Variants in MCPH1 observed in about 807,000 individuals in gnomAD.
MCPH1 encodes the protein microcephalin.
A neutral mutation model predicts 84.5 loss-of-function variants in MCPH1; 104 were observed. That is an observed-to-expected ratio of 1.23 (90% CI 1.05 to 1.45). MCPH1 has a LOEUF of 1.45. Ranked by LOEUF, MCPH1 falls within the 40% of genes most tolerant of loss-of-function variation. The probability of loss-of-function intolerance (pLI) is 0.00; values close to 1 mark genes in which losing one functional copy is unlikely to be tolerated. For missense variants in MCPH1, 1,498 were observed against 1,005.7 expected (o/e 1.49, Z -6.62); for synonymous variants, 514 against 366.8 (o/e 1.40, Z -4.58).
At chr8:6,447,844 C>T (rs1321399881) in intron 8 of MCPH1, among the ~76,000 whole-genome samples, 3 of 152,134 alleles carry the variant, frequency 2.0e-5, no homozygotes, top group African/African-American at 4.8e-5. Flanking sequence ...CTACCGCGCC[C>T]GGCCAACAAT....
intron 12 of MCPH1, 89 bp downstream of exon 12, chr8:6,500,018 C>A (rs1035427928): frequency 9.1e-7 from 1 of 1,102,842 alleles, no homozygotes; most frequent in Non-Finnish European, 1.4e-6. Flanking sequence ...AAGTTTTTAT[C>A]CAGTCAAGCA....
In MCPH1 at chr8:6,527,731, C is replaced by T. The variant is rs1483680812; in HGVS notation, c.2214+27802C>T. ...ATTATTTTTTAATTAGTTTAACTTT[C>T]TAACTTCCTTTTCATTAAAGTACCC... is the stretch of plus-strand genomic sequence containing the variant. On this transcript the variant is annotated intron_variant, in intron 12 of 13. Coordinates refer to ENST00000344683, the MANE Select transcript of MCPH1 (RefSeq NM_024596.5). 4.0e-6 allele frequency: 6 copies of T among 1,483,286 alleles called. No homozygotes were observed. The South Asian group carries it at 6.4e-5, about 16-fold the overall frequency. 91.9% of individuals were successfully genotyped at this position (1,483,286 alleles called of 1,614,324 possible). A position where few individuals can be genotyped will look rare whatever the true frequency, so the allele number is the denominator to read the frequency against.
chr8:6,642,986 C>T lies in MCPH1; in HGVS notation c.2453-8C>T, dbSNP rs759961421. ...TGAATGCTAAACTGCTTTTCGCTCT[C>T]TCTCTAGATTCCATCACCCAGCACA... On this transcript the variant is annotated splice_polypyrimidine_tract_variant and splice_region_variant and intron_variant, in intron 13 of 13. Coordinates refer to ENST00000344683, the MANE Select transcript of MCPH1 (RefSeq NM_024596.5). The T allele has an allele frequency of 2.5e-6, 4 of 1,613,854 alleles. No homozygotes were observed. The highest frequency in any genetic ancestry group is 3.4e-6 in the Non-Finnish European group (4 of 1,179,790).
chr8:6,579,829 A>G (rs1368045117), intron 12 of MCPH1, among the ~76,000 whole-genome samples: 3 of 152,186 alleles, frequency 2.0e-5, no homozygotes, highest in African/African-American at 7.2e-5. Flanking sequence ...TTTATGCAGA[A>G]GTGGAATTTA....
chr8:6,602,571 C>T (rs1187251863), intron 12 of MCPH1, among the ~76,000 whole-genome samples: 1 of 152,062 alleles, frequency 6.6e-6, no homozygotes, highest in Non-Finnish European at 1.5e-5. Context: ...GAGCCTTCCC[C>T]AAAGCGGGGA....
At chr8:6,483,275 A>G (rs1759841689) in intron 11 of MCPH1, among the ~76,000 whole-genome samples, 1 of 152,244 alleles carries the variant, frequency 6.6e-6, no homozygotes, top group South Asian at 2.1e-4. Context: ...GATTTAACAC[A>G]TTCTCATTCA....
At chr8:6,611,652 T>C (rs1830277063) in intron 12 of MCPH1, among the ~76,000 whole-genome samples, 1 of 151,982 alleles carries the variant, frequency 6.6e-6, no homozygotes, top group Non-Finnish European at 1.5e-5. Context: ...ATAGTCTCAC[T>C]CTGTCTCCCA....
rs79139412 is a variant in MCPH1 at position 6,485,622 on chromosome 8, C to T, written c.2136+4746C>T. ...TTTTTTCCCCTCATTCATGGCAAAA[C>T]GTCACAAATGTATGTCTGTATTGCC... On this transcript the variant is annotated intron_variant, in intron 11 of 13. Transcript: ENST00000344683. 2.7e-4 allele frequency among the ~76,000 whole-genome samples: 41 copies of T among 152,130 alleles called. 1 individual carries two copies. In the East Asian group the frequency reaches 7.1e-3, roughly 27 times the overall value.
At chr8:6,579,041 C>A (rs1328001570) in intron 12 of MCPH1, among the ~76,000 whole-genome samples, 1 of 152,154 alleles carries the variant, frequency 6.6e-6, no homozygotes, top group African/African-American at 2.4e-5. Context: ...AATACTGAGG[C>A]CCTGTGGGAT....
At chr8:6,508,072 CA>C (rs1814144859) in intron 12 of MCPH1, 1 of 152,170 alleles carries the variant, frequency 6.6e-6, no homozygotes, top group Non-Finnish European at 1.5e-5. Context: ...GAAGATGACT[CA>C]TTTTAATTTG....
chr8:6,496,526 C>T (rs1310061443), intron 11 of MCPH1, among the ~76,000 whole-genome samples: 3 of 150,512 alleles, frequency 2.0e-5, no homozygotes, highest in Non-Finnish European at 2.9e-5. Flanking sequence ...AGCCCCCCCG[C>T]CCCCCTTCCC....
intron 12 of MCPH1, among the ~76,000 whole-genome samples, chr8:6,552,231 C>G (rs189351136): frequency 6.6e-6 from 1 of 152,288 alleles, no homozygotes. Flanking sequence ...ATAGAAACAA[C>G]ATGCAGAAGC....
At chr8:6,414,932 A>T (rs1288687226) in intron 3 of MCPH1, 49 bp downstream of exon 3, 4 of 1,591,730 alleles carry the variant, frequency 2.5e-6, no homozygotes, top group South Asian at 1.1e-5. Context: ...TAGTATTGAA[A>T]ATGTGTGGAG....
rs368489369 is a variant in MCPH1, at chr8:6,512,158, T to A, written c.2214+12229T>A. ...ATATGCTTCACTGATGTTTAAAGAGTCACATCCATGTATATCTGTTTCTCA... is the reference window on the plus strand; with the variant it reads ...ATATGCTTCACTGATGTTTAAAGAGACACATCCATGTATATCTGTTTCTCA... On this transcript the variant is annotated intron_variant, in intron 12 of 13. Transcript: ENST00000344683. 3.9e-5 allele frequency among the ~76,000 whole-genome samples: 6 copies of A among 152,214 alleles called. No individual in the cohort carries two copies. In the East Asian group the frequency reaches 1.2e-3, roughly 29 times the overall value.
At chr8:6,620,888 A>C (rs775926687) in intron 12 of MCPH1, 1 of 164,410 alleles carries the variant, frequency 6.1e-6, no homozygotes, top group Admixed American at 5.7e-5. Context: ...CTCTCCCCCA[A>C]ACCCAGCGTG....
intron 12 of MCPH1, among the ~76,000 whole-genome samples, chr8:6,549,752 C>G (rs534654699): frequency 6.6e-6 from 1 of 152,090 alleles, no homozygotes; most frequent in East Asian, 1.9e-4. Context: ...GAGGGAGCCA[C>G]GTGCAGGGCA....
At chr8:6,603,838 C>T (rs1189019679) in intron 12 of MCPH1, among the ~76,000 whole-genome samples, 1 of 152,188 alleles carries the variant, frequency 6.6e-6, no homozygotes, top group Non-Finnish European at 1.5e-5. Flanking sequence ...TTCCATCTTA[C>T]ATTAAAAAGC....
At chr8:6,500,222 TA>T (rs1811882340) in intron 12 of MCPH1, 1 of 399,706 alleles carries the variant, frequency 2.5e-6, no homozygotes, top group East Asian at 5.5e-5. Flanking sequence ...CTTGGGCAGG[TA>T]GTCTTATATC....
chr8:6,564,647 T>A (rs905927064), intron 12 of MCPH1, among the ~76,000 whole-genome samples: 22 of 152,356 alleles, frequency 1.4e-4, no homozygotes, highest in African/African-American at 5.1e-4. Flanking sequence ...GTACACTGAC[T>A]TAACAGACCA....
Sources: allele counts gnomAD v4.1 joint callset (sites outside exome capture counted in the v4.1 genomes callset), GRCh38; gene constraint gnomAD v4.1.1; transcripts MANE v1.5; gene names NCBI Gene and HGNC (gene_info 2026-07-23, HGNC 2026-07-21).